The following MXI1 variants were observed in gnomAD, a reference collection of about 807,000 sequenced individuals.
MXI1 encodes the protein MAX interactor 1, dimerization protein.
MXI1 carries 18 observed loss-of-function variants against 36.9 expected under a neutral mutation model. The observed-to-expected ratio is 0.49, with a 90% CI of 0.34 to 0.72. MXI1 has a LOEUF of 0.72. Among genes scored for constraint, MXI1 ranks in the 30% least tolerant of loss-of-function variants. The probability of loss-of-function intolerance (pLI) is 0.01; values close to 1 mark genes in which losing one functional copy is unlikely to be tolerated. For missense variants in MXI1, 304 were observed against 379.1 expected, an observed-to-expected ratio of 0.80 and a Z score of 1.64; for synonymous variants, 160 against 146.7, an observed-to-expected ratio of 1.09 and a Z score of -0.65.
At chr10:110,271,305 G>A (rs138519902) in intron 3 of MXI1, among the ~76,000 whole-genome samples, 239 of 152,244 alleles carry the variant, frequency 1.6e-3, no homozygotes, top group African/African-American at 5.4e-3. Flanking sequence ...GGAGGTCCTG[G>A]TGTTGATTGT....
intron 2 of MXI1, among the ~76,000 whole-genome samples, chr10:110,232,534 A>C (rs1855312371): frequency 6.6e-6 from 1 of 152,106 alleles, no homozygotes; most frequent in African/African-American, 2.4e-5. Flanking sequence ...ACAGTTATCC[A>C]GTTGTTTCTT....
chr10:110,271,657 G>A (rs369414298), intron 3 of MXI1, among the ~76,000 whole-genome samples: 134 of 152,284 alleles, frequency 8.8e-4, no homozygotes, highest in African/African-American at 3.2e-3. Flanking sequence ...AAGGGTATGA[G>A]TTATGGGAAA....
chr10:110,282,704 C>T (rs1256800989), intron 5 of MXI1, among the ~76,000 whole-genome samples: 1 of 152,024 alleles, frequency 6.6e-6, no homozygotes, highest in East Asian at 1.9e-4. Flanking sequence ...GGTACCTTAC[C>T]AAGTACCATC....
intron 3 of MXI1, among the ~76,000 whole-genome samples, chr10:110,255,034 TA>T (rs1856236880): frequency 6.6e-6 from 1 of 152,030 alleles, no homozygotes. Context: ...CTTTCATAGC[TA>T]GAGCAGAAGT....
rs1276433094 is a variant in MXI1 at position 110,287,116 on chromosome 10, T to C, written c.*2129T>C. 1 of 152,216 alleles carries C rather than the reference T, an allele frequency of 6.6e-6. No individual in the cohort carries two copies. Among genetic ancestry groups the C allele is most frequent in the African/African-American group, 2.4e-5 (1 of 41,450 alleles). 9.4% of individuals were successfully genotyped at this position (152,216 alleles called of 1,614,324 possible). A position where few individuals can be genotyped will look rare whatever the true frequency, so the allele number is the denominator to read the frequency against. On this transcript the variant is annotated 3_prime_UTR_variant, in exon 6 of 6. Transcript: ENST00000332674. Reference sequence around the variant, plus strand: ...GTTATTCTCATGGCCTTCGCTTGCATTATTTGGGCCTTCATTCAGATGAAC... The same window carrying C: ...GTTATTCTCATGGCCTTCGCTTGCACTATTTGGGCCTTCATTCAGATGAAC...
intron 2 of MXI1, among the ~76,000 whole-genome samples, chr10:110,235,818 G>A (rs1855445422): frequency 6.6e-6 from 1 of 151,486 alleles, no homozygotes; most frequent in Non-Finnish European, 1.5e-5. Context: ...AGACCAGCCT[G>A]ACCAAAATGG....
rs1855200718 is a variant in MXI1, at chr10:110,229,921, T to TGCA, written c.407+1601_407+1603dup. On this transcript the variant is annotated intron_variant, in intron 2 of 5. Transcript: ENST00000332674. ...AAACTAGACCTGGGTTCTGTCGTGC[T>TGCA]GCAAGTATTTAAGCCTTTCCTATTT... is the stretch of plus-strand genomic sequence containing the variant. Among the ~76,000 whole-genome samples the TGCA allele has an allele frequency of 2.0e-5, 3 of 152,338 alleles. No homozygotes were observed. The East Asian group carries it at 5.8e-4, about 29-fold the overall frequency.
At chr10:110,231,021 A>AT (rs1284685003) in intron 2 of MXI1, among the ~76,000 whole-genome samples, 2 of 152,168 alleles carry the variant, frequency 1.3e-5, no homozygotes, top group Non-Finnish European at 2.9e-5. Flanking sequence ...TATAATGGTG[A>AT]TTGACTATTT....
intron 2 of MXI1, among the ~76,000 whole-genome samples, chr10:110,229,776 G>A (rs1045619252): frequency 6.6e-6 from 1 of 151,986 alleles, no homozygotes; most frequent in African/African-American, 2.4e-5. Context: ...TGCCCTTACG[G>A]TTTCAGTGTT....
intron 3 of MXI1, among the ~76,000 whole-genome samples, chr10:110,256,590 G>T (rs992343494): frequency 9.2e-6 from 1 of 108,128 alleles, no homozygotes; most frequent in Non-Finnish European, 1.7e-5. Context: ...GCAATAGAGT[G>T]AGACTCTGTC....
At chr10:110,226,232 A>G (rs750215295) in intron 1 of MXI1, 1 of 1,497,648 alleles carries the variant, frequency 6.7e-7, no homozygotes, top group Admixed American at 2.1e-5. Context: ...GAAGATGATC[A>G]ACGTGCAGCG....
At chr10:110,269,761 A>C (rs1856799638) in intron 3 of MXI1, among the ~76,000 whole-genome samples, 1 of 152,216 alleles carries the variant, frequency 6.6e-6, no homozygotes, top group African/African-American at 2.4e-5. Context: ...AATACTATTG[A>C]CATCACTGTG....
chr10:110,207,839 G>A lies in MXI1; in HGVS notation c.31G>A (p.Ala11Thr), dbSNP rs1854400474. ...CAAACGCGGGCGGCCGCGCAAGGAGGCGCGCTGCGAGGGCGCGGGGCTGGC... is the reference window on the plus strand; with the variant it reads ...CAAACGCGGGCGGCCGCGCAAGGAGACGCGCTGCGAGGGCGCGGGGCTGGC... The part of the protein sequence containing the change: MGKRGRPRKE[A>T]RCEGAGLAPA... The change falls in exon 1 of 6, where the codon GCG becomes ACG. Residue 11 changes from alanine to threonine, a missense_variant. Ala to Thr is a moderately conservative substitution (Grantham distance 58). This residue lies in a region of MXI1 where 179 missense variants were observed against 184.8 expected (regional missense o/e 0.97). Transcript: ENST00000332674. The A allele has an allele frequency of 1.8e-6, 2 of 1,133,062 alleles. No individual in the cohort carries two copies. The highest frequency in any genetic ancestry group is 2.2e-6 in the Non-Finnish European group (2 of 925,872). 70.2% of individuals were successfully genotyped at this position (1,133,062 alleles called of 1,614,324 possible). A position where few individuals can be genotyped will look rare whatever the true frequency, so the allele number is the denominator to read the frequency against.
chr10:110,270,793 A>G (rs142648713), intron 3 of MXI1, among the ~76,000 whole-genome samples: 3 of 152,218 alleles, frequency 2.0e-5, no homozygotes, highest in Admixed American at 6.5e-5. Flanking sequence ...TTGCTTCACT[A>G]TTAAAAAAGG....
At position 110,285,046 on chromosome 10, in the gene MXI1, C is replaced by T. The variant is rs1857396365; in HGVS notation, c.*59C>T. On this transcript the variant is annotated 3_prime_UTR_variant, in exon 6 of 6. Transcript: ENST00000332674. ...ATTCACTGGGCCAATTCAATACAAA[C>T]AATCTCTTAAATTGGGTTCATGATG... 1.3e-6 allele frequency: 2 copies of T among 1,483,892 alleles called. No individual in the cohort carries two copies. The highest frequency in any genetic ancestry group is 1.4e-5 in the African/African-American group (1 of 70,652). The allele number at this position is 1,483,892 out of a possible 1,614,324, so 91.9% of individuals were successfully genotyped here.
intron 2 of MXI1, among the ~76,000 whole-genome samples, chr10:110,231,475 G>A (rs1200338160): frequency 1.3e-5 from 2 of 149,862 alleles, no homozygotes; most frequent in East Asian, 3.9e-4. Flanking sequence ...TATTTTCAAA[G>A]AAGTAAAAAG....
At chr10:110,223,782 G>A (rs1340141324) in intron 1 of MXI1, among the ~76,000 whole-genome samples, 1 of 150,264 alleles carries the variant, frequency 6.7e-6, no homozygotes, top group African/African-American at 2.5e-5. Context: ...AAACGACCTA[G>A]TCAAGAGCTA....
intron 1 of MXI1, among the ~76,000 whole-genome samples, chr10:110,210,031 G>GCCCCACC (rs1222202562): frequency 1.2e-4 from 8 of 65,006 alleles, no homozygotes; most frequent in Admixed American, 4.3e-4. Context: ...ACCTCCCCCT[G>GCCCCACC]CCCCACCCCC....
In MXI1 at chr10:110,286,654, G is replaced by A. The variant is rs1435980763; in HGVS notation, c.*1667G>A. On this transcript the variant is annotated 3_prime_UTR_variant, in exon 6 of 6. Coordinates refer to ENST00000332674, the MANE Select transcript of MXI1 (RefSeq NM_130439.3). Reference sequence around the variant, plus strand: ...CAGTGCAGTTGAGTTGTGTGTTAATGTTAGACTATCCCTTTGTGAGTGACA... The same window carrying A: ...CAGTGCAGTTGAGTTGTGTGTTAATATTAGACTATCCCTTTGTGAGTGACA... 6.6e-6 allele frequency: 1 copy of A among 152,636 alleles called. No individual in the cohort carries two copies. Among genetic ancestry groups the A allele is most frequent in the African/African-American group, 2.4e-5 (1 of 41,452 alleles). 9.5% of individuals were successfully genotyped at this position (152,636 alleles called of 1,614,324 possible).
Sources: allele counts gnomAD v4.1 joint callset (sites outside exome capture counted in the v4.1 genomes callset), GRCh38; gene constraint gnomAD v4.1.1; regional missense constraint gnomAD v4.1.1; transcripts MANE v1.5; gene names NCBI Gene and HGNC (gene_info 2026-07-23, HGNC 2026-07-21).